CCDC85A: variants seen among roughly 807,000 people sequenced by gnomAD.
The protein encoded by CCDC85A is coiled-coil domain-containing protein 85A.
Under a neutral mutation model 50.2 loss-of-function variants are expected in CCDC85A, and 38 were observed. The ratio of observed to expected loss-of-function variants is 0.76; its 90% CI spans 0.58 to 0.99. The LOEUF is 0.99. Among genes scored for constraint, CCDC85A ranks in the 50% least tolerant of loss-of-function variants. The pLI is 0.00. For missense variants in CCDC85A, 820 were observed against 742.0 expected (o/e 1.11, Z -1.22); for synonymous variants, 366 against 301.4 (o/e 1.21, Z -2.22).
intron 1 of CCDC85A, among the ~76,000 whole-genome samples, chr2:56,191,374 A>G (rs190624062): frequency 1.8e-4 from 28 of 152,338 alleles, no homozygotes; most frequent in Non-Finnish European, 3.1e-4. Flanking sequence ...TACCTGGTAC[A>G]GTAATAGATG....
chr2:56,328,276 C>G (rs984788401), intron 2 of CCDC85A, among the ~76,000 whole-genome samples: 8 of 152,110 alleles, frequency 5.3e-5, no homozygotes, highest in African/African-American at 1.9e-4. Flanking sequence ...ATAGAGAGAA[C>G]TCGCTGAAAT....
chr2:56,259,791 C>G (rs1312491582), intron 2 of CCDC85A, among the ~76,000 whole-genome samples: 1 of 152,178 alleles, frequency 6.6e-6, no homozygotes, highest in African/African-American at 2.4e-5. Flanking sequence ...CTTTGTCTTT[C>G]TTGCCAAATT....
intron 2 of CCDC85A, among the ~76,000 whole-genome samples, chr2:56,267,525 A>T (rs919524808): frequency 6.6e-6 from 1 of 152,208 alleles, no homozygotes; most frequent in African/African-American, 2.4e-5. Flanking sequence ...CAGGCCCTTG[A>T]GTTCATTCTG....
chr2:56,200,060 A>C (rs954425240), intron 2 of CCDC85A, among the ~76,000 whole-genome samples: 2 of 152,008 alleles, frequency 1.3e-5, no homozygotes, highest in Non-Finnish European at 2.9e-5. Context: ...GTAGAGATGG[A>C]GTTTCACCAT....
At chr2:56,362,777 C>A (rs567426692) in intron 3 of CCDC85A, among the ~76,000 whole-genome samples, 3 of 152,130 alleles carry the variant, frequency 2.0e-5, no homozygotes, top group Admixed American at 2.0e-4. Context: ...TGCCACCACA[C>A]CCGGCTAATT....
At chr2:56,207,650 G>A (rs765866609) in intron 2 of CCDC85A, among the ~76,000 whole-genome samples, 2 of 152,094 alleles carry the variant, frequency 1.3e-5, no homozygotes, top group East Asian at 1.9e-4. Context: ...AGACAGATAC[G>A]TAAATTGGTG....
intron 2 of CCDC85A, among the ~76,000 whole-genome samples, chr2:56,303,410 A>G (rs1672295338): frequency 6.6e-6 from 1 of 152,168 alleles, no homozygotes; most frequent in African/African-American, 2.4e-5. Context: ...TTCCTGGCAC[A>G]GTACAGCACA....
At chr2:56,322,632 A>T (rs1430821706) in intron 2 of CCDC85A, among the ~76,000 whole-genome samples, 11 of 152,212 alleles carry the variant, frequency 7.2e-5, no homozygotes, top group Non-Finnish European at 1.5e-4. Context: ...ATCATTAAAA[A>T]GTCAGGAGAC....
At chr2:56,220,804 C>G (rs960496344) in intron 2 of CCDC85A, among the ~76,000 whole-genome samples, 5 of 152,010 alleles carry the variant, frequency 3.3e-5, no homozygotes, top group African/African-American at 1.2e-4. Context: ...TTGATATCCC[C>G]TTTGATACAT....
At chr2:56,325,256 A>G (rs1047036026) in intron 2 of CCDC85A, among the ~76,000 whole-genome samples, 14 of 152,126 alleles carry the variant, frequency 9.2e-5, no homozygotes, top group Admixed American at 2.0e-4. Flanking sequence ...ATTATAGGCT[A>G]TATGGAGATG....
intron 2 of CCDC85A, among the ~76,000 whole-genome samples, chr2:56,224,673 T>C (rs1668469933): frequency 6.6e-6 from 1 of 152,190 alleles, no homozygotes; most frequent in African/African-American, 2.4e-5. Context: ...TGGTATCTAA[T>C]TGTGGTTTTG....
chr2:56,231,537 A>G (rs1668772198), intron 2 of CCDC85A, among the ~76,000 whole-genome samples: 1 of 152,236 alleles, frequency 6.6e-6, no homozygotes, highest in Admixed American at 6.5e-5. Flanking sequence ...GGAATTGTCT[A>G]TAGACTCATG....
At chr2:56,260,454 G>A (rs10210479) in intron 2 of CCDC85A, among the ~76,000 whole-genome samples, 122,254 of 152,190 alleles carry the variant, frequency 0.8, 49,321 homozygotes, top group Non-Finnish European at 0.84. Context: ...CTTTAGTGGA[G>A]CAAATTTATT....
intron 2 of CCDC85A, among the ~76,000 whole-genome samples, chr2:56,240,799 C>A (rs375819212): frequency 6.6e-6 from 1 of 152,060 alleles, no homozygotes; most frequent in South Asian, 2.1e-4. Context: ...AATTTTAGTT[C>A]TTTCCATTTT....
intron 3 of CCDC85A, among the ~76,000 whole-genome samples, chr2:56,363,247 G>A (rs1015821165): frequency 2.6e-5 from 4 of 152,042 alleles, no homozygotes; most frequent in Non-Finnish European, 4.4e-5. Flanking sequence ...TGATGGTCTC[G>A]CTGATGGTGG....
intron 2 of CCDC85A, among the ~76,000 whole-genome samples, chr2:56,276,504 T>A (rs964641611): frequency 1.3e-5 from 2 of 152,110 alleles, no homozygotes; most frequent in African/African-American, 4.8e-5. Context: ...AATCTCATGG[T>A]AGTGAATGAG....
intron 2 of CCDC85A, among the ~76,000 whole-genome samples, chr2:56,306,171 C>T (rs1168927665): frequency 2.6e-5 from 4 of 152,000 alleles, no homozygotes; most frequent in African/African-American, 9.7e-5. Flanking sequence ...CTCTTGTCGC[C>T]CAGGCTGGAG....
chr2:56,258,921 G>A (rs768648758), intron 2 of CCDC85A, among the ~76,000 whole-genome samples: 8 of 152,130 alleles, frequency 5.3e-5, no homozygotes, highest in Non-Finnish European at 1.0e-4. Context: ...TGAGTAGGTG[G>A]GTAAGATGTG....
chr2:56,342,746 ATT>A, intron 2 of CCDC85A, 131 bp from the exon 3 acceptor site: 1 of 492,938 alleles, frequency 2.0e-6, no homozygotes, highest in Non-Finnish European at 3.6e-6. Context: ...TCTGGGAGAT[ATT>A]TTTTTTTCTC....
Sources: gnomAD v4.1 joint callset for allele counts (sites outside exome capture counted in the v4.1 genomes callset) on GRCh38, gnomAD v4.1.1 for gene constraint, MANE v1.5 for transcripts, NCBI Gene and HGNC (gene_info 2026-07-23, HGNC 2026-07-21) for gene names.